SNTB1: variants seen among roughly 807,000 people sequenced by gnomAD.
The protein encoded by SNTB1 is beta-1-syntrophin.
Under a neutral mutation model 48.9 loss-of-function variants are expected in SNTB1, and 36 were observed. The observed-to-expected ratio is 0.74, with a 90% CI of 0.56 to 0.97. The LOEUF is 0.97. Ranked by LOEUF, SNTB1 falls within the 50% of genes least tolerant of loss-of-function variation. The probability of loss-of-function intolerance (pLI) is 0.00; values close to 1 mark genes in which losing one functional copy is unlikely to be tolerated. For missense variants in SNTB1, 786 were observed against 703.4 expected, an observed-to-expected ratio of 1.12 and a Z score of -1.33; for synonymous variants, 299 against 294.6, an observed-to-expected ratio of 1.01 and a Z score of -0.15.
At chr8:120,585,830 T>C (rs987082086) in intron 3 of SNTB1, among the ~76,000 whole-genome samples, 4 of 152,208 alleles carry the variant, frequency 2.6e-5, no homozygotes, top group African/African-American at 7.2e-5. Flanking sequence ...CAGTTTAAAA[T>C]CAAACATGTC....
At chr8:120,597,841 C>T (rs970061053) in intron 3 of SNTB1, among the ~76,000 whole-genome samples, 2 of 152,230 alleles carry the variant, frequency 1.3e-5, no homozygotes, top group African/African-American at 4.8e-5. Context: ...GCCCCAACGA[C>T]TTACAATCTT....
At chr8:120,579,937 G>C (rs796809899) in intron 3 of SNTB1, among the ~76,000 whole-genome samples, 4 of 152,308 alleles carry the variant, frequency 2.6e-5, no homozygotes, top group African/African-American at 9.6e-5. Flanking sequence ...TAAGGAGAGT[G>C]CACATCAGAT....
At chr8:120,754,265 G>C (rs1819275107) in intron 1 of SNTB1, among the ~76,000 whole-genome samples, 1 of 152,118 alleles carries the variant, frequency 6.6e-6, no homozygotes, top group East Asian at 1.9e-4. Context: ...GACTGAGGCA[G>C]GTGGATTGCT....
intron 1 of SNTB1, among the ~76,000 whole-genome samples, chr8:120,697,995 T>A (rs1271251633): frequency 6.6e-6 from 1 of 151,954 alleles, no homozygotes; most frequent in Non-Finnish European, 1.5e-5. Context: ...GATGAACAGA[T>A]GTGAAGGATA....
At chr8:120,571,043 A>T (rs4455882) in intron 4 of SNTB1, 33 of 440,132 alleles carry the variant, frequency 7.5e-5, no homozygotes, top group African/African-American at 7.0e-4. Context: ...CCCTTGTCCC[A>T]ATTATAACTC....
At chr8:120,702,442 T>G (rs1241494713) in intron 1 of SNTB1, among the ~76,000 whole-genome samples, 1 of 152,196 alleles carries the variant, frequency 6.6e-6, no homozygotes, top group Non-Finnish European at 1.5e-5. Flanking sequence ...CCTGCCTCTG[T>G]TCTTTGCACA....
intron 2 of SNTB1, among the ~76,000 whole-genome samples, chr8:120,634,036 C>T (rs1237535799): frequency 6.6e-6 from 1 of 152,114 alleles, no homozygotes; most frequent in East Asian, 1.9e-4. Context: ...CCGCAACTAC[C>T]CCTTTTTAGT....
chr8:120,811,967 A>T lies in SNTB1; in HGVS notation c.-124T>A, dbSNP rs1820448549. On this transcript the variant is annotated 5_prime_UTR_variant, in exon 1 of 7. Transcript: ENST00000517992. ...GTGCGTCCCGCGGGGAGGTGGCGGC[A>T]CGCGGGACTCCGCTCCGGGAGTTCG... 1 of 1,273,668 alleles carries T rather than the reference A, an allele frequency of 7.9e-7. No individual in the cohort carries two copies. Among genetic ancestry groups the T allele is most frequent in the African/African-American group, 1.6e-5 (1 of 63,828 alleles). 78.9% of individuals were successfully genotyped at this position (1,273,668 alleles called of 1,614,324 possible).
chr8:120,682,882 T>TG (rs1817957136), intron 2 of SNTB1, among the ~76,000 whole-genome samples: 2 of 144,650 alleles, frequency 1.4e-5, no homozygotes, highest in African/African-American at 5.2e-5. Flanking sequence ...TGTTTTTAGT[T>TG]TTTTTTTTTT....
At chr8:120,720,914 C>A (rs1052652041) in intron 1 of SNTB1, among the ~76,000 whole-genome samples, 17 of 152,178 alleles carry the variant, frequency 1.1e-4, no homozygotes, top group African/African-American at 3.6e-4. Context: ...CAAGAGCCTT[C>A]TATATACTAT....
chr8:120,715,183 C>T (rs1303584232), intron 1 of SNTB1, among the ~76,000 whole-genome samples: 2 of 152,180 alleles, frequency 1.3e-5, no homozygotes, highest in African/African-American at 4.8e-5. Context: ...GTCATTCAGT[C>T]TTGACTTTAA....
chr8:120,798,294 T>C (rs932768498), intron 1 of SNTB1, among the ~76,000 whole-genome samples: 3 of 151,962 alleles, frequency 2.0e-5, no homozygotes, highest in Admixed American at 1.3e-4. Context: ...CAAGTGACCA[T>C]AATATGTGGT....
chr8:120,799,321 A>G (rs182096673), intron 1 of SNTB1, among the ~76,000 whole-genome samples: 5 of 152,166 alleles, frequency 3.3e-5, no homozygotes, highest in East Asian at 3.9e-4. Flanking sequence ...TCAGATATGC[A>G]TAGCACACTC....
At chr8:120,714,495 T>TC in intron 1 of SNTB1, among the ~76,000 whole-genome samples, 1 of 152,140 alleles carries the variant, frequency 6.6e-6, no homozygotes, top group South Asian at 2.1e-4. Context: ...TTTTTTTTTT[T>TC]CTGGCAAAAA....
At chr8:120,636,829 C>T (rs1171324216) in intron 2 of SNTB1, 1 of 174,484 alleles carries the variant, frequency 5.7e-6, no homozygotes, top group Non-Finnish European at 1.3e-5. Flanking sequence ...CTGACTTCCA[C>T]AATGGTTGAA....
At chr8:120,806,221 A>G (rs912589490) in intron 1 of SNTB1, among the ~76,000 whole-genome samples, 1 of 152,200 alleles carries the variant, frequency 6.6e-6, no homozygotes, top group African/African-American at 2.4e-5. Flanking sequence ...CGAAGTGCAG[A>G]AGGGGTGTCA....
intron 1 of SNTB1, among the ~76,000 whole-genome samples, chr8:120,729,978 G>A (rs1057406252): frequency 1.3e-5 from 2 of 152,154 alleles, no homozygotes; most frequent in African/African-American, 4.8e-5. Flanking sequence ...CAGAGCCTGC[G>A]AAAGCAGTTG....
intron 2 of SNTB1, among the ~76,000 whole-genome samples, chr8:120,665,030 T>A (rs1004933729): frequency 6.6e-6 from 1 of 152,250 alleles, no homozygotes; most frequent in Non-Finnish European, 1.5e-5. Context: ...ACTAATGAAG[T>A]AGATCACCTT....
chr8:120,810,637 G>T (rs1820408378), intron 1 of SNTB1, among the ~76,000 whole-genome samples: 2 of 152,128 alleles, frequency 1.3e-5, no homozygotes, highest in Admixed American at 1.3e-4. Flanking sequence ...TCCCAAAACT[G>T]CAACATATTC....
Sources: gnomAD v4.1 joint callset for allele counts (sites outside exome capture counted in the v4.1 genomes callset) on GRCh38, gnomAD v4.1.1 for gene constraint, MANE v1.5 for transcripts, NCBI Gene and HGNC (gene_info 2026-07-23, HGNC 2026-07-21) for gene names.